Variants in HAP1 observed in about 807,000 individuals in gnomAD.
HAP1 encodes huntingtin-associated protein 1.
Under a neutral mutation model 60.3 loss-of-function variants are expected in HAP1, and 59 were observed. The ratio of observed to expected loss-of-function variants is 0.98; its 90% CI spans 0.79 to 1.22. HAP1 has a LOEUF of 1.22. Among genes scored for constraint, HAP1 ranks in the 50% most tolerant of loss-of-function variants. The pLI is 0.00. For missense variants in HAP1, 825 were observed against 785.3 expected (o/e 1.05, Z -0.60); for synonymous variants, 346 against 330.6 (o/e 1.05, Z -0.50).
In HAP1 at chr17:41,732,805, G is replaced by C. The variant is rs781819344; in HGVS notation, c.470-7C>G. ...GGTAGGTTAGGACACAGTGCTGCAG[G>C]AGGCGGCAGGTGGGGAGAAAAGGCC... On this transcript the variant is annotated splice_region_variant and splice_polypyrimidine_tract_variant and intron_variant, in intron 1 of 10. Transcript: ENST00000347901. The C allele has an allele frequency of 2.4e-5, 37 of 1,567,232 alleles. 2 individuals are homozygous for C. In the South Asian group the frequency reaches 3.5e-4, roughly 15 times the overall value.
In HAP1 at chr17:41,727,055, C is replaced by G. The variant is rs1911699387; in HGVS notation, c.1365G>C (p.Glu455Asp). Residue 455 changes from glutamate (E) to aspartate (D), a missense_variant and splice_region_variant, in exon 9 of 11, where the codon GAG becomes GAC. Transcript: ENST00000347901. ...RMISDPVYFM[E>D]RNYEMPRGDT... ...AAGGGAGGGCCCCAGCCACGCACCT[C>G]TCCATAAAATACACAGGGTCTGAGA... The G allele has an allele frequency of 6.6e-7, 1 of 1,516,566 alleles. No individual in the cohort carries two copies. Among genetic ancestry groups the G allele is most frequent in the Non-Finnish European group, 9.1e-7 (1 of 1,104,420 alleles). The allele number at this position is 1,516,566 out of a possible 1,614,324, so 93.9% of individuals were successfully genotyped here.
chr17:41,731,601 C>A, intron 5 of HAP1, 37 bp downstream of exon 5: 1 of 1,603,572 alleles, frequency 6.2e-7, no homozygotes, highest in Non-Finnish European at 8.5e-7. Flanking sequence ...AGTCAACACC[C>A]CCTGCTAGCA....
chr17:41,720,326 G>C (rs1296792363), downstream of HAP1, among the ~76,000 whole-genome samples: 1 of 152,098 alleles, frequency 6.6e-6, no homozygotes, highest in African/African-American at 2.4e-5. Context: ...CTCCCAAGTA[G>C]CTGGGATTAC....
At chr17:41,734,000 G>A (rs1555591835) in intron 1 of HAP1, among the ~76,000 whole-genome samples, 166 bp downstream of exon 1, 1 of 152,206 alleles carries the variant, frequency 6.6e-6, no homozygotes, top group East Asian at 1.9e-4. Flanking sequence ...CAGAGGAGGA[G>A]ATGGAGAAGG....
In HAP1 at chr17:41,727,100, T is replaced by G. The variant is rs1555589044; in HGVS notation, c.1320A>C (p.Arg440Ser). The G allele has an allele frequency of 6.3e-7, 1 of 1,594,818 alleles. No individual in the cohort carries two copies. Among genetic ancestry groups the G allele is most frequent in the African/African-American group, 1.3e-5 (1 of 74,734 alleles). Residue 440 changes from arginine to serine, a missense_variant, in exon 9 of 11, where the codon AGA becomes AGC. By Grantham distance (110) the Arg-to-Ser change is moderately radical. Coordinates refer to ENST00000347901, the MANE Select transcript of HAP1 (RefSeq NM_177977.3). ...GFQETLAEEL[R>S]TSLRRMISDP... Reference sequence around the variant, plus strand: ...CTGAGATCATCCTCCTTAGAGACGTTCTGAGCTCCTCAGCCAGCGTCTCCT... The same window carrying G: ...CTGAGATCATCCTCCTTAGAGACGTGCTGAGCTCCTCAGCCAGCGTCTCCT...
At chr17:41,717,990 T>C (rs782252313), downstream of HAP1, 1 of 470,028 alleles carries the variant, frequency 2.1e-6, no homozygotes, top group Non-Finnish European at 4.4e-6. Flanking sequence ...GGAGGGAAAG[T>C]GTTTTCTCTA....
downstream of HAP1, chr17:41,717,823 C>A (rs7213435): frequency 0.84 from 276,904 of 328,846 alleles, 117,273 homozygotes; most frequent in Middle Eastern, 0.93. Context: ...CTTCTGTATC[C>A]CCGGTGGCAA....
chr17:41,728,453 A>G lies in HAP1; in HGVS notation c.1070-122T>C, dbSNP rs1597741398. The G allele has an allele frequency of 5.0e-6, 4 of 795,102 alleles. No homozygotes were observed. In the East Asian group the frequency reaches 1.1e-4, roughly 21 times the overall value. The allele number at this position is 795,102 out of a possible 1,614,324, so 49.3% of individuals were successfully genotyped here. On this transcript the variant is annotated intron_variant, in intron 6 of 10. Coordinates refer to ENST00000347901, the MANE Select transcript of HAP1 (RefSeq NM_177977.3). ...GCTGCGCTGTGCCAGTGGGTCCTGC[A>G]GGGCTTTGCATTCCTCACTCAGGTC...
downstream of HAP1, chr17:41,721,267 G>C (rs1555587009): frequency 1.3e-5 from 2 of 152,488 alleles, no homozygotes; most frequent in African/African-American, 4.8e-5. Flanking sequence ...GAGCAAACCA[G>C]AGAATTTGGC....
chr17:41,730,550 G>T (rs1912118135), intron 6 of HAP1: 1 of 152,154 alleles, frequency 6.6e-6, no homozygotes, highest in Non-Finnish European at 1.5e-5. Flanking sequence ...GCCATTCCTA[G>T]GAGGTAAAAG....
intron 6 of HAP1, among the ~76,000 whole-genome samples, chr17:41,729,026 T>G (rs951031591): frequency 5.3e-5 from 8 of 152,028 alleles, no homozygotes; most frequent in Non-Finnish European, 1.2e-4. Context: ...TCACTGTAAC[T>G]GCCGCCCGAG....
intron 6 of HAP1, among the ~76,000 whole-genome samples, chr17:41,729,461 A>C (rs1911952654): frequency 6.9e-6 from 1 of 144,356 alleles, no homozygotes; most frequent in Non-Finnish European, 1.5e-5. Flanking sequence ...GAGGCAGGAG[A>C]ATCGCTTAAA....
chr17:41,732,293 C>G lies in HAP1; in HGVS notation c.651G>C (p.Gln217His). ...AARIGQSLVK[Q>H]NSVLMEENSK... is the part of the protein sequence containing the mutation. ...TGTTCTCCTCCATCAAAACACTGTT[C>G]TGTTTCACCAGGGACTGGCCGATGC... is the stretch of plus-strand genomic sequence containing the variant. The change falls in exon 3 of 11, where the codon CAG (glutamine) becomes CAC (histidine). Residue 217 changes from glutamine to histidine, a missense_variant. By Grantham distance (24) the Gln-to-His change is conservative. Transcript: ENST00000347901. The G allele has an allele frequency of 1.2e-6, 2 of 1,614,180 alleles. No individual in the cohort carries two copies. Among genetic ancestry groups the G allele is most frequent in the Non-Finnish European group, 1.7e-6 (2 of 1,180,024 alleles).
Position 41,722,991 on chromosome 17 carries a change from G to A in HAP1, c.*1710C>T, listed in dbSNP as rs1454113326. The A allele has an allele frequency of 6.6e-6, 1 of 152,454 alleles. No homozygotes were observed. The highest frequency in any genetic ancestry group is 6.5e-5 in the Admixed American group (1 of 15,284). 9.4% of individuals were successfully genotyped at this position (152,454 alleles called of 1,614,324 possible). ...ACTTGTGGTTACAAACAGTAGGTAG[G>A]GACTGAGAAGAAAGGATGAAGAACA... On this transcript the variant is annotated 3_prime_UTR_variant, in exon 11 of 11. Transcript: ENST00000347901.
At chr17:41,729,722 A>C (rs1362654739) in intron 6 of HAP1, among the ~76,000 whole-genome samples, 7 of 141,116 alleles carry the variant, frequency 5.0e-5, no homozygotes, top group South Asian at 4.6e-4. Flanking sequence ...CTAAAAATAC[A>C]AAAATTAGCT....
intron 1 of HAP1, among the ~76,000 whole-genome samples, chr17:41,733,932 G>T (rs1912476576): frequency 6.6e-6 from 1 of 152,148 alleles, no homozygotes; most frequent in Non-Finnish European, 1.5e-5. Context: ...GTGGAGGTGG[G>T]TGGGCGAGCG....
Position 41,731,551 on chromosome 17 carries a change from T to G in HAP1, c.1011A>C (p.Gln337His), listed in dbSNP as rs1555590907. Residue 337 changes from glutamine to histidine, a missense_variant, in exon 6 of 11, where the codon CAA becomes CAC. Transcript: ENST00000347901. ...GTTCCTCATCCTCAAGAGTGTCGAG[T>G]TGAGAGGCCTGGAGGGAGACAAAGA... ...ENHQLREEASQLDTLEDEEQM... is the reference protein window; with the variant it reads ...ENHQLREEASHLDTLEDEEQM... 3.1e-6 allele frequency: 5 copies of G among 1,612,368 alleles called. No individual in the cohort carries two copies. The South Asian group carries it at 5.5e-5, about 18-fold the overall frequency.
chr17:41,719,437 C>T (rs571384592), downstream of HAP1, among the ~76,000 whole-genome samples: 6 of 152,282 alleles, frequency 3.9e-5, no homozygotes, highest in East Asian at 7.7e-4. Context: ...TCACGTCTGT[C>T]ATCCCAGCAC....
chr17:41,721,011 C>A (rs1056721564), downstream of HAP1: 13 of 152,050 alleles, frequency 8.5e-5, no homozygotes, highest in African/African-American at 3.1e-4. Context: ...ATTGGTCAGG[C>A]TGGTCTCGAA....
Sources: allele counts gnomAD v4.1 joint callset (sites outside exome capture counted in the v4.1 genomes callset), GRCh38; gene constraint gnomAD v4.1.1; transcripts MANE v1.5; gene names NCBI Gene and HGNC (gene_info 2026-07-23, HGNC 2026-07-21).